DLG2: variants seen among roughly 807,000 people sequenced by gnomAD.
DLG2 encodes the protein disks large homolog 2.
A neutral mutation model predicts 132.5 loss-of-function variants in DLG2; 45 were observed. That is an observed-to-expected ratio of 0.34 (90% CI 0.27 to 0.44). The LOEUF is 0.44. DLG2 is among the 20% of genes least tolerant of loss of function. The pLI is 1.00. For missense variants in DLG2, 1,045 were observed against 1,196.9 expected, an observed-to-expected ratio of 0.87 and a Z score of 1.87; for synonymous variants, 424 against 419.6, an observed-to-expected ratio of 1.01 and a Z score of -0.13.
At chr11:84,673,086 C>T (rs1281662968) in intron 6 of DLG2, among the ~76,000 whole-genome samples, 1 of 152,072 alleles carries the variant, frequency 6.6e-6, no homozygotes, top group Non-Finnish European at 1.5e-5. Context: ...ACCCACTCAC[C>T]TCCCACCAGG....
rs576092466 is a variant in DLG2 at position 85,114,317 on chromosome 11, T to C, written c.283-2582A>G. 1.7e-3 allele frequency among the ~76,000 whole-genome samples: 262 copies of C among 152,068 alleles called. 1 individual carries two copies. The highest frequency in any genetic ancestry group is 6.2e-3 in the African/African-American group (256 of 41,538). ...ATAAACACTAGGGGAAAGGACACTA[T>C]CATGTCTAACTCTTAGTTAATTCTT... On this transcript the variant is annotated intron_variant, in intron 5 of 27. Coordinates refer to ENST00000376104, the MANE Select transcript of DLG2 (RefSeq NM_001142699.3).
At chr11:85,328,916 C>T in intron 3 of DLG2, among the ~76,000 whole-genome samples, 1 of 105,250 alleles carries the variant, frequency 9.5e-6, no homozygotes, top group African/African-American at 3.7e-5. Context: ...TGATAAGCAA[C>T]TTCAGCAAAG....
chr11:85,528,003 T>C (rs949249139), intron 3 of DLG2, among the ~76,000 whole-genome samples: 1 of 152,236 alleles, frequency 6.6e-6, no homozygotes, highest in South Asian at 2.1e-4. Context: ...TGTCTGTTCA[T>C]ATCCTTTGCC....
chr11:85,010,850 T>C (rs2059094389), intron 6 of DLG2, among the ~76,000 whole-genome samples: 2 of 152,176 alleles, frequency 1.3e-5, no homozygotes, highest in African/African-American at 4.8e-5. Context: ...CACTCACCTT[T>C]TATTGACAAG....
chr11:85,422,646 A>G (rs1289770175), intron 3 of DLG2, among the ~76,000 whole-genome samples: 1 of 151,954 alleles, frequency 6.6e-6, no homozygotes, highest in Non-Finnish European at 1.5e-5. Context: ...ACGTGCCACC[A>G]CATCTGGCTG....
intron 3 of DLG2, among the ~76,000 whole-genome samples, chr11:85,593,320 T>C (rs1252732002): frequency 2.0e-5 from 3 of 152,158 alleles, no homozygotes; most frequent in Admixed American, 6.6e-5. Context: ...ATTTAGAACA[T>C]AGGTTTTCAA....
At chr11:83,832,885 T>C (rs376990147) in intron 17 of DLG2, among the ~76,000 whole-genome samples, 1 of 152,248 alleles carries the variant, frequency 6.6e-6, no homozygotes, top group African/African-American at 2.4e-5. Context: ...CATTATCTTA[T>C]GCATTTTTTT....
At chr11:84,200,428 T>C (rs1207976893) in intron 8 of DLG2, among the ~76,000 whole-genome samples, 1 of 152,122 alleles carries the variant, frequency 6.6e-6, no homozygotes, top group East Asian at 1.9e-4. Context: ...TATGTAAATA[T>C]CCAAGACTTT....
At chr11:84,741,441 C>T (rs1391358026) in intron 6 of DLG2, among the ~76,000 whole-genome samples, 2 of 152,050 alleles carry the variant, frequency 1.3e-5, no homozygotes, top group East Asian at 1.9e-4. Context: ...TGTGTATACA[C>T]GTACCCTTGA....
At chr11:83,901,701 T>C (rs2073480954) in intron 15 of DLG2, among the ~76,000 whole-genome samples, 1 of 151,996 alleles carries the variant, frequency 6.6e-6, no homozygotes, top group Non-Finnish European at 1.5e-5. Flanking sequence ...AAATGACTAA[T>C]ACAGTTTCCA....
At chr11:83,995,929 A>G (rs1019165011) in intron 11 of DLG2, among the ~76,000 whole-genome samples, 4 of 152,168 alleles carry the variant, frequency 2.6e-5, no homozygotes, top group African/African-American at 4.8e-5. Context: ...AATTTCTTGA[A>G]CAATACCCCA....
intron 6 of DLG2, among the ~76,000 whole-genome samples, chr11:84,605,431 G>C (rs527306048): frequency 6.6e-6 from 1 of 151,568 alleles, no homozygotes; most frequent in Non-Finnish European, 1.5e-5. Flanking sequence ...CTATATCTTC[G>C]TCAGTACTAA....
chr11:83,972,257 C>T (rs1276649312), intron 12 of DLG2, among the ~76,000 whole-genome samples: 9 of 151,968 alleles, frequency 5.9e-5, no homozygotes, highest in African/African-American at 1.2e-4. Context: ...CCTAGTTTCA[C>T]GAATTTAAGT....
chr11:84,919,128 G>A (rs1031253151), intron 6 of DLG2, among the ~76,000 whole-genome samples: 5 of 152,108 alleles, frequency 3.3e-5, no homozygotes, highest in Non-Finnish European at 4.4e-5. Flanking sequence ...GATTCTTATT[G>A]AAGGCAACTC....
rs1221734619 is a variant in DLG2, at chr11:85,346,228, C to T, written c.41-60863G>A. Reference sequence around the variant, plus strand: ...TTTGAGACAGAGTCTCGTTCTGTTGCCCAGGCTGGAGTGCAGTGGCGCTAT... The same window carrying T: ...TTTGAGACAGAGTCTCGTTCTGTTGTCCAGGCTGGAGTGCAGTGGCGCTAT... On this transcript the variant is annotated intron_variant, in intron 3 of 27. Transcript: ENST00000376104. Among the ~76,000 whole-genome samples the T allele has an allele frequency of 2.6e-5, 4 of 151,422 alleles. No individual in the cohort carries two copies. In the East Asian group the frequency reaches 7.7e-4, roughly 29 times the overall value.
intron 6 of DLG2, among the ~76,000 whole-genome samples, chr11:84,677,233 T>C (rs1419789875): frequency 6.6e-6 from 1 of 152,080 alleles, no homozygotes; most frequent in Non-Finnish European, 1.5e-5. Context: ...TTTTGATTCG[T>C]ATCAGTCATT....
rs567950914 is a variant in DLG2, at chr11:83,560,505, T to C, written c.1941-18647A>G. On this transcript the variant is annotated intron_variant, in intron 19 of 27. Transcript: ENST00000376104. ...AAGCTAGATTAAAGGTGGATGTTAA[T>C]GTGAGCTTGTGTTGGAGGAGTGGGT... Among the ~76,000 whole-genome samples, 26 of 115,002 alleles carry C rather than the reference T, an allele frequency of 2.3e-4. No individual in the cohort carries two copies. In the East Asian group the frequency reaches 5.5e-3, roughly 24 times the overall value. 75.4% of individuals were successfully genotyped at this position (115,002 alleles called of 152,430 possible). A position where few individuals can be genotyped will look rare whatever the true frequency, so the allele number is the denominator to read the frequency against.
At chr11:83,526,327 G>A (rs2095608824) in intron 21 of DLG2, among the ~76,000 whole-genome samples, 1 of 152,158 alleles carries the variant, frequency 6.6e-6, no homozygotes, top group Non-Finnish European at 1.5e-5. Flanking sequence ...TACTGTAATA[G>A]CTTTCTCAAA....
intron 15 of DLG2, among the ~76,000 whole-genome samples, chr11:83,905,598 A>G (rs1454182734): frequency 6.6e-6 from 1 of 152,218 alleles, no homozygotes; most frequent in African/African-American, 2.4e-5. Flanking sequence ...AGTGTAGTGA[A>G]TAAGCAGACA....
Sources: gnomAD v4.1 joint callset for allele counts (sites outside exome capture counted in the v4.1 genomes callset) on GRCh38, gnomAD v4.1.1 for gene constraint, MANE v1.5 for transcripts, NCBI Gene and HGNC (gene_info 2026-07-23, HGNC 2026-07-21) for gene names.